The following CMIP variants were observed in gnomAD, a reference collection of about 807,000 sequenced individuals.
CMIP encodes the protein C-Maf-inducing protein.
In CMIP, 13 loss-of-function variants were observed where a neutral mutation model predicts 97.3. The observed-to-expected ratio is 0.13, with a 90% confidence interval of 0.09 to 0.21. CMIP has a LOEUF of 0.21. CMIP is among the 10% of genes least tolerant of loss of function. The pLI is 1.00. For missense variants in CMIP, 847 were observed against 1,024.9 expected (o/e 0.83, Z 2.37); for synonymous variants, 538 against 436.3 (o/e 1.23, Z -2.91).
intron 1 of CMIP, among the ~76,000 whole-genome samples, chr16:81,607,166 C>T (rs1047589892): frequency 1.3e-5 from 2 of 152,136 alleles, no homozygotes. Context: ...GGATGCATAT[C>T]CGTGGGGAGA....
At chr16:81,510,391 C>T (rs1268453475) in intron 1 of CMIP, among the ~76,000 whole-genome samples, 1 of 152,180 alleles carries the variant, frequency 6.6e-6, no homozygotes, top group Non-Finnish European at 1.5e-5. Context: ...GTGTTATTAC[C>T]ACCTAACATT....
intron 2 of CMIP, among the ~76,000 whole-genome samples, chr16:81,609,414 G>A (rs2091794719): frequency 1.3e-5 from 2 of 152,186 alleles, no homozygotes; most frequent in Admixed American, 6.5e-5. Context: ...AGGGTTCAGT[G>A]GCCAACGGAG....
intron 1 of CMIP, among the ~76,000 whole-genome samples, chr16:81,539,756 C>A (rs994837296): frequency 1.3e-5 from 2 of 152,220 alleles, no homozygotes; most frequent in East Asian, 3.8e-4. Flanking sequence ...TAATTCCCTC[C>A]GCCTCATCTT....
intron 1 of CMIP, among the ~76,000 whole-genome samples, chr16:81,549,832 ATG>A (rs1187592770): frequency 1.3e-5 from 2 of 152,042 alleles, no homozygotes; most frequent in East Asian, 1.9e-4. Flanking sequence ...AACCAGGCAA[ATG>A]TGTGTGTGCA....
rs1399896386 is a variant in CMIP at position 81,678,545 on chromosome 16, C to A, written c.1305C>A (p.Ser435Arg). 1 of 1,607,286 alleles carries A rather than the reference C, an allele frequency of 6.2e-7. No homozygotes were observed. The highest frequency in any genetic ancestry group is 1.3e-5 in the African/African-American group (1 of 74,902). The part of the protein sequence containing the change: ...EPNLIDCLMV[S>R]PACSTMSIEL... ...ACCTCATCGACTGCCTCATGGTCAG[C>A]CCCGCCTGCAGCACCATGAGCATCG... The change falls in exon 10 of 21, where the codon AGC (serine) becomes AGA (arginine). Residue 435 changes from serine to arginine, a missense_variant. Ser to Arg is a moderately radical substitution (Grantham distance 110). Around this residue, in one of 4 missense-constraint regions of CMIP, gnomAD observed 202 missense variants for 168.7 expected, o/e 1.20. Coordinates refer to ENST00000537098, the MANE Select transcript of CMIP (RefSeq NM_198390.3).
At chr16:81,643,090 T>A (rs1412467795) in intron 3 of CMIP, among the ~76,000 whole-genome samples, 1 of 152,160 alleles carries the variant, frequency 6.6e-6, no homozygotes, top group East Asian at 1.9e-4. Context: ...CAGACACAGT[T>A]CCACCCACAA....
chr16:81,711,282 A>G lies in CMIP; in HGVS notation c.*1483A>G, dbSNP rs1467421714. On this transcript the variant is annotated 3_prime_UTR_variant, in exon 21 of 21. Transcript: ENST00000537098. ...CACAGTCAGTGTACTTGTTTTATAT[A>G]TATTTAATCTTATTCAATGGAAACC... 6.6e-6 allele frequency: 1 copy of G among 151,446 alleles called. No individual in the cohort carries two copies. Among genetic ancestry groups the G allele is most frequent in the Non-Finnish European group, 1.5e-5 (1 of 67,852 alleles). 9.4% of individuals were successfully genotyped at this position (151,446 alleles called of 1,614,324 possible).
intron 14 of CMIP, chr16:81,697,522 G>A (rs1906876397): frequency 6.6e-6 from 1 of 152,264 alleles, no homozygotes; most frequent in Non-Finnish European, 1.5e-5. Flanking sequence ...AGCTCTGCTG[G>A]GAGCTAGCTT....
At chr16:81,522,267 T>G (rs750038393) in intron 1 of CMIP, among the ~76,000 whole-genome samples, 1 of 152,138 alleles carries the variant, frequency 6.6e-6, no homozygotes, top group Non-Finnish European at 1.5e-5. Context: ...GGCCCTGTCA[T>G]CAGAGCCCTA....
At position 81,614,951 on chromosome 16, in the gene CMIP, G is replaced by T. The variant is rs1464226852; in HGVS notation, c.427-5925G>T. Among the ~76,000 whole-genome samples the T allele has an allele frequency of 6.6e-6, 1 of 151,084 alleles. No homozygotes were observed. The highest frequency in any genetic ancestry group is 2.4e-5 in the African/African-American group (1 of 41,010). On this transcript the variant is annotated intron_variant, in intron 2 of 20. Transcript: ENST00000537098. This position sits in a 1 kb window ranked among gnomAD's most constrained non-coding sequence, Gnocchi z 5.3. The stretch of plus-strand genomic sequence containing the variant: ...GTATCTCTGTGTGTGGTGTGTGCAT[G>T]TGTGTGGTGTGTTGTGTGATATGTG...
At position 81,678,642 on chromosome 16, in the gene CMIP, C is replaced by CCA; in HGVS notation, c.1388+15_1388+16insAC. 1.5e-6 allele frequency: 2 copies of CCA among 1,322,286 alleles called. No homozygotes were observed. Among genetic ancestry groups the CCA allele is most frequent in the Non-Finnish European group, 2.1e-6 (2 of 935,942 alleles). 81.9% of individuals were successfully genotyped at this position (1,322,286 alleles called of 1,614,324 possible). A position where few individuals can be genotyped will look rare whatever the true frequency, so the allele number is the denominator to read the frequency against. ...CCTCAAGCTGCTGTGAGTGCCCCCC[C>CCA]CGCGTGCCCGCCCCCGGGGCCGGTG... On this transcript the variant is annotated intron_variant, in intron 10 of 20. Transcript: ENST00000537098.
intron 1 of CMIP, among the ~76,000 whole-genome samples, chr16:81,517,301 G>A (rs1217875891): frequency 6.6e-6 from 1 of 152,098 alleles, no homozygotes; most frequent in African/African-American, 2.4e-5. Flanking sequence ...AGCTTCCAAG[G>A]TCATCAGTGA....
At chr16:81,694,409 A>T (rs1018474972) in intron 13 of CMIP, among the ~76,000 whole-genome samples, 1 of 152,090 alleles carries the variant, frequency 6.6e-6, no homozygotes. Flanking sequence ...CTTCCTGGAG[A>T]AGGTGGTACT....
At chr16:81,651,957 G>A (rs1196385008) in intron 3 of CMIP, among the ~76,000 whole-genome samples, 1 of 152,116 alleles carries the variant, frequency 6.6e-6, no homozygotes, top group African/African-American at 2.4e-5. Context: ...TTATCATCAG[G>A]GTGAAGTGAG....
chr16:81,599,936 G>A (rs573391389), intron 1 of CMIP, among the ~76,000 whole-genome samples: 2 of 152,244 alleles, frequency 1.3e-5, no homozygotes, highest in East Asian at 1.9e-4. Flanking sequence ...TGGGTGGGGT[G>A]TAGTGAGGCT....
intron 16 of CMIP, 43 bp from the exon 17 acceptor site, chr16:81,702,579 T>G (rs138442593): frequency 7.5e-6 from 12 of 1,597,808 alleles, no homozygotes; most frequent in East Asian, 6.7e-5. Context: ...GAATGGAAAC[T>G]TGGGGAAAAG....
chr16:81,565,758 A>G (rs146331235), intron 1 of CMIP, among the ~76,000 whole-genome samples: 13 of 152,252 alleles, frequency 8.5e-5, no homozygotes, highest in African/African-American at 2.6e-4. Context: ...GGTTTGACTC[A>G]TTCGTGCTGT....
At chr16:81,456,382 G>A (rs545132609) in intron 1 of CMIP, among the ~76,000 whole-genome samples, 1 of 152,212 alleles carries the variant, frequency 6.6e-6, no homozygotes, top group Non-Finnish European at 1.5e-5. Flanking sequence ...TGGAACCCAG[G>A]CAGCCTAACT....
chr16:81,597,553 T>G (rs1388674475), intron 1 of CMIP, among the ~76,000 whole-genome samples: 1 of 59,412 alleles, frequency 1.7e-5, no homozygotes, highest in Admixed American at 2.0e-4. Context: ...CTTGTGGAGG[T>G]GGGAAGAGCC....
Sources: allele counts gnomAD v4.1 joint callset (sites outside exome capture counted in the v4.1 genomes callset), GRCh38; gene constraint gnomAD v4.1.1; regional missense constraint gnomAD v4.1.1; non-coding constraint Gnocchi (gnomAD v3.1); transcripts MANE v1.5; gene names NCBI Gene and HGNC (gene_info 2026-07-23, HGNC 2026-07-21).